GCLC: variants seen among roughly 807,000 people sequenced by gnomAD.
GCLC encodes glutamate-cysteine ligase catalytic subunit.
GCLC carries 30 observed loss-of-function variants against 81.5 expected under a neutral mutation model. The ratio of observed to expected loss-of-function variants is 0.37; its 90% CI spans 0.28 to 0.50. GCLC has a LOEUF of 0.50. GCLC is among the 20% of genes least tolerant of loss of function. GCLC has a pLI of 0.96. For synonymous variants in GCLC, 262 were observed against 273.3 expected (o/e 0.96, Z 0.41); for missense variants, 556 against 777.4 (o/e 0.72, Z 3.39).
At position 53,518,508 on chromosome 6, in the gene GCLC, C is replaced by T. The variant is rs17882711; in HGVS notation, c.446+2270G>A. ...TCAGGTGATCCGCCTGCCTCGGCCTCCCAAAGTGCTGGGATTACAGGTGTA... is the reference window on the plus strand; with the variant it reads ...TCAGGTGATCCGCCTGCCTCGGCCTTCCAAAGTGCTGGGATTACAGGTGTA... On this transcript the variant is annotated intron_variant, in intron 3 of 15. Coordinates refer to ENST00000650454, the MANE Select transcript of GCLC (RefSeq NM_001498.4). 1.2e-4 allele frequency among the ~76,000 whole-genome samples: 19 copies of T among 152,306 alleles called. No individual in the cohort carries two copies. The South Asian group carries it at 3.9e-3, about 32-fold the overall frequency.
intron 3 of GCLC, among the ~76,000 whole-genome samples, chr6:53,519,657 C>T (rs1415583577): frequency 6.6e-6 from 1 of 152,086 alleles, no homozygotes; most frequent in East Asian, 1.9e-4. Flanking sequence ...TGATTTTTCA[C>T]CTCCTCTTTC....
At chr6:53,508,842 C>T in intron 7 of GCLC, 131 bp from the exon 8 acceptor site, 1 of 721,274 alleles carries the variant, frequency 1.4e-6, no homozygotes. Flanking sequence ...GTACCTGTGC[C>T]TATCTTACAG....
intron 1 of GCLC, among the ~76,000 whole-genome samples, chr6:53,526,560 A>G (rs188257968): frequency 2.0e-5 from 3 of 152,078 alleles, no homozygotes; most frequent in African/African-American, 7.2e-5. Flanking sequence ...GCACTTTGGG[A>G]GGCCGAGGCG....
chr6:53,543,203 G>A (rs1377127473), intron 1 of GCLC, among the ~76,000 whole-genome samples: 1 of 152,220 alleles, frequency 6.6e-6, no homozygotes, highest in Non-Finnish European at 1.5e-5. Context: ...GCCCAATTTC[G>A]TCTTACATTT....
chr6:53,532,214 G>C (rs77164836), intron 1 of GCLC, among the ~76,000 whole-genome samples: 1 of 152,184 alleles, frequency 6.6e-6, no homozygotes, highest in Non-Finnish European at 1.5e-5. Context: ...TTTAACTACA[G>C]CTATAACAGG....
rs772717604 is a variant in GCLC at position 53,529,695 on chromosome 6, G to C, written c.151-7168C>G. Among the ~76,000 whole-genome samples, 12 of 152,200 alleles carry C rather than the reference G, an allele frequency of 7.9e-5. 1 individual carries two copies. Among genetic ancestry groups the C allele is most frequent in the Admixed American group, 5.2e-4 (8 of 15,278 alleles). On this transcript the variant is annotated intron_variant, in intron 1 of 15. Transcript: ENST00000650454. ...AATTCCTTGGCTTTTTCCTAAGAAC[G>C]TATTCCCCTGCTAGAGTTCTAGTCA...
chr6:53,543,445 G>GAA (rs11290203), intron 1 of GCLC, among the ~76,000 whole-genome samples: 2 of 145,212 alleles, frequency 1.4e-5, no homozygotes, highest in African/African-American at 2.5e-5. Context: ...CCCAATCTTA[G>GAA]AAAAAAAAAA....
intron 4 of GCLC, among the ~76,000 whole-genome samples, chr6:53,515,038 T>C (rs1764839559): frequency 6.6e-6 from 1 of 152,188 alleles, no homozygotes; most frequent in African/African-American, 2.4e-5. Context: ...ATGCACATGC[T>C]GTGAGAGTAA....
intron 1 of GCLC, among the ~76,000 whole-genome samples, chr6:53,528,474 A>AAT (rs887319644): frequency 2.6e-5 from 4 of 152,060 alleles, no homozygotes; most frequent in Admixed American, 6.6e-5. Context: ...TGATGATTTA[A>AAT]ATATATATAT....
intron 11 of GCLC, 62 bp from the exon 12 acceptor site, chr6:53,505,558 C>A (rs1764597281): frequency 1.1e-6 from 1 of 886,686 alleles, no homozygotes; most frequent in Non-Finnish European, 1.9e-6. Context: ...CTTCCCTGAC[C>A]CAGGCCCTTC....
At chr6:53,504,615 T>G (rs1291946583) in intron 12 of GCLC, among the ~76,000 whole-genome samples, 1 of 152,130 alleles carries the variant, frequency 6.6e-6, no homozygotes, top group Admixed American at 6.5e-5. Flanking sequence ...CAGGCAGGGA[T>G]GGGCTGACAG....
At chr6:53,542,799 A>G (rs1023737615) in intron 1 of GCLC, among the ~76,000 whole-genome samples, 2 of 112,602 alleles carry the variant, frequency 1.8e-5, no homozygotes, top group Non-Finnish European at 3.7e-5. Context: ...GTGAAAAGTC[A>G]GGAGTTTGAG....
chr6:53,544,610 C>T lies in GCLC; in HGVS notation c.36G>A (p.Trp12Ter), dbSNP rs750511643. 6.2e-7 allele frequency: 1 copy of T among 1,602,680 alleles called. No individual in the cohort carries two copies. The highest frequency in any genetic ancestry group is 8.5e-7 in the Non-Finnish European group (1 of 1,179,528). ...GGTCGGCATGGCGCTTGGTTTCCTC[C>T]CAGCTCAGCGGCGAGCCCTGGGACA... ...GLLSQGSPLS[W>*]EETKRHADHV... is the part of the protein sequence containing the mutation. The change falls in exon 1 of 16, where the codon TGG (tryptophan) becomes TGA (stop). Residue 12 changes from tryptophan (W) to a stop codon, truncating the protein, a stop_gained. Transcript: ENST00000650454. LOFTEE classifies it high-confidence loss of function.
At chr6:53,518,232 T>A (rs1762916128) in intron 3 of GCLC, among the ~76,000 whole-genome samples, 1 of 152,216 alleles carries the variant, frequency 6.6e-6, no homozygotes, top group Admixed American at 6.5e-5. Flanking sequence ...TGACTTAAGA[T>A]GCTGAATCTT....
At chr6:53,516,527 A>G (rs1281333601) in intron 3 of GCLC, among the ~76,000 whole-genome samples, 1 of 152,182 alleles carries the variant, frequency 6.6e-6, no homozygotes, top group Non-Finnish European at 1.5e-5. Context: ...AATAGGAAGG[A>G]CTGATAGCAC....
At chr6:53,526,494 A>G (rs759845331) in intron 1 of GCLC, among the ~76,000 whole-genome samples, 3 of 152,112 alleles carry the variant, frequency 2.0e-5, no homozygotes, top group Non-Finnish European at 1.5e-5. Flanking sequence ...AGTTTCAGGG[A>G]GCTTAGAATT....
chr6:53,506,218 GCCTGCCTTT>G lies in GCLC; in HGVS notation c.1198-332_1198-324del, dbSNP rs1764611314. 2 of 355,134 alleles carry G rather than the reference GCCTGCCTTT, an allele frequency of 5.6e-6. No homozygotes were observed. The highest frequency in any genetic ancestry group is 4.3e-5 in the African/African-American group (2 of 47,052). 22.0% of individuals were successfully genotyped at this position (355,134 alleles called of 1,614,324 possible). A position where few individuals can be genotyped will look rare whatever the true frequency, so the allele number is the denominator to read the frequency against. On this transcript the variant is annotated intron_variant, in intron 10 of 15. Transcript: ENST00000650454. This position sits in a 1 kb window ranked among gnomAD's most constrained non-coding sequence, Gnocchi z 4.0. ...TCATCCCTGAGAATTTTAGGAGCCA[GCCTGCCTTT>G]CCAGGTGACACTGGACACTTTCATC... is the stretch of plus-strand genomic sequence containing the variant.
At chr6:53,542,414 T>A (rs1324983075) in intron 1 of GCLC, among the ~76,000 whole-genome samples, 1 of 152,192 alleles carries the variant, frequency 6.6e-6, no homozygotes, top group Non-Finnish European at 1.5e-5. Context: ...ACTCTTCAGC[T>A]CTTCCCACTT....
chr6:53,515,480 G>A (rs1470614555), intron 4 of GCLC, among the ~76,000 whole-genome samples: 3 of 152,226 alleles, frequency 2.0e-5, no homozygotes, highest in South Asian at 2.1e-4. Context: ...CATAGCAAAC[G>A]TGAGGGCCTG....
Sources: allele counts gnomAD v4.1 joint callset (sites outside exome capture counted in the v4.1 genomes callset), GRCh38; gene constraint gnomAD v4.1.1; non-coding constraint Gnocchi (gnomAD v3.1); transcripts MANE v1.5; gene names NCBI Gene and HGNC (gene_info 2026-07-23, HGNC 2026-07-21).